Variants in KYNU observed in about 807,000 individuals in gnomAD.
KYNU encodes L-kynurenine hydrolase.
A neutral mutation model predicts 59.2 loss-of-function variants in KYNU; 54 were observed. The observed-to-expected ratio is 0.91, with a 90% CI of 0.73 to 1.14. The LOEUF is 1.14. Among genes scored for constraint, KYNU ranks in the 50% most tolerant of loss-of-function variants. The probability of loss-of-function intolerance (pLI) is 0.00; values close to 1 mark genes in which losing one functional copy is unlikely to be tolerated. For synonymous variants in KYNU, 177 were observed against 192.0 expected (o/e 0.92, Z 0.65); for missense variants, 567 against 554.4 (o/e 1.02, Z -0.23).
intron 10 of KYNU, among the ~76,000 whole-genome samples, chr2:142,986,958 T>C (rs10496934): frequency 0.071 from 10,756 of 151,866 alleles, 874 homozygotes; most frequent in East Asian, 0.22. Flanking sequence ...TTCTATAGTT[T>C]CTTTAATTGT....
At chr2:142,988,438 T>A (rs1685288600) in intron 10 of KYNU, among the ~76,000 whole-genome samples, 1 of 151,902 alleles carries the variant, frequency 6.6e-6, no homozygotes, top group South Asian at 2.1e-4. Context: ...GAATATAATC[T>A]CCATTCCTTG....
At chr2:142,916,927 G>T (rs1682684589) in intron 2 of KYNU, among the ~76,000 whole-genome samples, 1 of 152,148 alleles carries the variant, frequency 6.6e-6, no homozygotes, top group Non-Finnish European at 1.5e-5. Flanking sequence ...TTGTGAAAAG[G>T]CCATTGAAGT....
chr2:142,936,828 G>A (rs1397035105), intron 4 of KYNU, among the ~76,000 whole-genome samples: 2 of 152,172 alleles, frequency 1.3e-5, no homozygotes, highest in African/African-American at 4.8e-5. Context: ...CTACTCTCTG[G>A]GGTGGAGGGG....
chr2:143,020,680 T>C (rs1423335261), intron 10 of KYNU, among the ~76,000 whole-genome samples: 5 of 152,218 alleles, frequency 3.3e-5, no homozygotes, highest in Non-Finnish European at 5.9e-5. Context: ...TATTTCTTTG[T>C]TGATTTTCTG....
At chr2:142,909,696 C>G (rs1182088396) in intron 2 of KYNU, among the ~76,000 whole-genome samples, 1 of 152,136 alleles carries the variant, frequency 6.6e-6, no homozygotes, top group Non-Finnish European at 1.5e-5. Context: ...TTTATCCAAT[C>G]CACCATTGAA....
In KYNU at chr2:143,043,633, T is replaced by C. The variant is rs771940551; in HGVS notation, c.*1461T>C. 1.3e-4 allele frequency: 20 copies of C among 151,172 alleles called. No individual in the cohort carries two copies. The highest frequency in any genetic ancestry group is 3.3e-4 in the Admixed American group (5 of 15,062). 9.4% of individuals were successfully genotyped at this position (151,172 alleles called of 1,614,324 possible). Reference sequence around the variant, plus strand: ...TTAATTGAGTGGCTACATACTGCTTTAGCAAATCTTCCTACTGTAACTAAT... The same window carrying C: ...TTAATTGAGTGGCTACATACTGCTTCAGCAAATCTTCCTACTGTAACTAAT... On this transcript the variant is annotated 3_prime_UTR_variant, in exon 14 of 14. Coordinates refer to ENST00000264170, the MANE Select transcript of KYNU (RefSeq NM_003937.3).
At chr2:142,888,113 T>C (rs927876506) in intron 2 of KYNU, among the ~76,000 whole-genome samples, 1 of 152,150 alleles carries the variant, frequency 6.6e-6, no homozygotes, top group African/African-American at 2.4e-5. Context: ...TTCTTAAAGA[T>C]AAGAGATAGA....
chr2:142,998,495 T>A (rs1685610333), intron 10 of KYNU, among the ~76,000 whole-genome samples: 1 of 152,192 alleles, frequency 6.6e-6, no homozygotes, highest in African/African-American at 2.4e-5. Flanking sequence ...GAAATAATCA[T>A]TTCTTTATTT....
At chr2:142,974,938 G>A (rs1227273399) in intron 8 of KYNU, among the ~76,000 whole-genome samples, 1 of 151,986 alleles carries the variant, frequency 6.6e-6, no homozygotes, top group Non-Finnish European at 1.5e-5. Flanking sequence ...ATAGTTATAA[G>A]CTACTACACT....
chr2:142,878,559 T>C (rs1283409964), intron 1 of KYNU, among the ~76,000 whole-genome samples: 1 of 152,222 alleles, frequency 6.6e-6, no homozygotes, highest in African/African-American at 2.4e-5. Context: ...TACAATTTGC[T>C]TATTTCAGGC....
At chr2:142,945,787 G>A (rs1419328720) in intron 4 of KYNU, among the ~76,000 whole-genome samples, 1 of 151,304 alleles carries the variant, frequency 6.6e-6, no homozygotes, top group Non-Finnish European at 1.5e-5. Context: ...GCTCAGGCTG[G>A]AGTGCCGTGG....
At chr2:142,912,328 T>G (rs1193799322) in intron 2 of KYNU, among the ~76,000 whole-genome samples, 2 of 151,874 alleles carry the variant, frequency 1.3e-5, no homozygotes, top group Non-Finnish European at 2.9e-5. Flanking sequence ...CTAGTTTTCA[T>G]GGATAAAGTG....
chr2:143,014,847 T>C (rs770926020), intron 10 of KYNU, among the ~76,000 whole-genome samples: 1 of 152,170 alleles, frequency 6.6e-6, no homozygotes, highest in African/African-American at 2.4e-5. Context: ...TAATATAACA[T>C]AGAAAAACAG....
chr2:143,047,263 A>T lies in KYNU; in HGVS notation c.*5091A>T, dbSNP rs569770518. The T allele has an allele frequency of 7.2e-5, 11 of 152,208 alleles. No individual in the cohort carries two copies. The highest frequency in any genetic ancestry group is 2.2e-4 in the African/African-American group (9 of 41,524). 9.4% of individuals were successfully genotyped at this position (152,208 alleles called of 1,614,324 possible). ...AGTGTTAAGTTAAAAAAAGTTGTAG[A>T]AACAGTGTTTTGCTACATTTCCCAG... is the stretch of plus-strand genomic sequence containing the variant. On this transcript the variant is annotated 3_prime_UTR_variant, in exon 14 of 14. Coordinates refer to ENST00000264170, the MANE Select transcript of KYNU (RefSeq NM_003937.3).
At chr2:142,922,885 A>G (rs1339280447) in intron 3 of KYNU, among the ~76,000 whole-genome samples, 2 of 152,230 alleles carry the variant, frequency 1.3e-5, no homozygotes, top group Non-Finnish European at 2.9e-5. Context: ...GAGAAGAGAA[A>G]TGAATATTCT....
chr2:142,987,359 G>A (rs187221564), intron 10 of KYNU, among the ~76,000 whole-genome samples: 186 of 152,052 alleles, frequency 1.2e-3, no homozygotes, highest in African/African-American at 4.3e-3. Context: ...TCTAGAGAAT[G>A]TCAGTGTTCG....
chr2:142,945,490 C>T (rs1683741949), intron 4 of KYNU, among the ~76,000 whole-genome samples: 1 of 152,148 alleles, frequency 6.6e-6, no homozygotes, highest in African/African-American at 2.4e-5. Flanking sequence ...CTTGCTATTC[C>T]ACTACATCTG....
In KYNU at chr2:142,929,440, C is replaced by T. The variant is rs115017295; in HGVS notation, c.373+1699C>T. Among the ~76,000 whole-genome samples, 1,140 of 151,816 alleles carry T rather than the reference C, an allele frequency of 7.5e-3. 7 individuals are homozygous for T. Among genetic ancestry groups the T allele is most frequent in the African/African-American group, 0.026 (1,092 of 41,332 alleles). ...AAAATAAAAAGCCAGCTGCTTTACC[C>T]TGCTAATCACCTGACCATGAAAAGA... On this transcript the variant is annotated intron_variant, in intron 4 of 13. Transcript: ENST00000264170.
At chr2:142,980,335 C>T (rs1456082236) in intron 8 of KYNU, among the ~76,000 whole-genome samples, 1 of 140,352 alleles carries the variant, frequency 7.1e-6, no homozygotes, top group Non-Finnish European at 1.6e-5. Context: ...GCCAGCTTTA[C>T]TCAACCAGTT....
Sources: allele counts gnomAD v4.1 joint callset (sites outside exome capture counted in the v4.1 genomes callset), GRCh38; gene constraint gnomAD v4.1.1; transcripts MANE v1.5; gene names NCBI Gene and HGNC (gene_info 2026-07-23, HGNC 2026-07-21).